Variants in SBF2 observed in about 807,000 individuals in gnomAD.
SBF2 encodes SET binding factor 2.
In SBF2, 112 loss-of-function variants were observed where a neutral mutation model predicts 225.2. The ratio of observed to expected loss-of-function variants is 0.50; its 90% CI spans 0.43 to 0.58. The LOEUF is 0.58. SBF2 is among the 20% of genes least tolerant of loss of function. SBF2 has a pLI of 0.00. For synonymous variants in SBF2, 763 were observed against 773.3 expected (o/e 0.99, Z 0.22); for missense variants, 1,996 against 2,206.2 (o/e 0.90, Z 1.91).
At chr11:9,785,015 A>G (rs1852278478) in intron 37 of SBF2, 110 bp downstream of exon 37, 2 of 967,952 alleles carry the variant, frequency 2.1e-6, no homozygotes, top group Non-Finnish European at 1.6e-6. Context: ...ATCCATTTCA[A>G]GTTTATAAAA....
intron 17 of SBF2, among the ~76,000 whole-genome samples, chr11:9,870,677 T>C (rs1396056471): frequency 6.6e-6 from 1 of 152,030 alleles, no homozygotes; most frequent in Non-Finnish European, 1.5e-5. Flanking sequence ...CCTTACACCT[T>C]ATACAAAAAT....
At chr11:10,174,227 A>C (rs542468569) in intron 2 of SBF2, among the ~76,000 whole-genome samples, 20 of 152,308 alleles carry the variant, frequency 1.3e-4, no homozygotes, top group Admixed American at 7.2e-4. Context: ...TACGGGAGGA[A>C]ATTCAAACCA....
At chr11:9,817,231 A>G (rs1179378808) in intron 28 of SBF2, among the ~76,000 whole-genome samples, 2 of 152,234 alleles carry the variant, frequency 1.3e-5, no homozygotes, top group African/African-American at 4.8e-5. Context: ...TCTTAGCCTC[A>G]GAATGACCTA....
chr11:10,221,738 G>A (rs1416919134), intron 1 of SBF2, among the ~76,000 whole-genome samples: 1 of 152,166 alleles, frequency 6.6e-6, no homozygotes, highest in Non-Finnish European at 1.5e-5. Flanking sequence ...AGGCACTGAA[G>A]AGTGACCAAA....
intron 16 of SBF2, among the ~76,000 whole-genome samples, chr11:9,908,686 C>CA (rs77403152): frequency 4.6e-5 from 7 of 151,448 alleles, no homozygotes; most frequent in African/African-American, 1.7e-4. Flanking sequence ...TGTTCATAAT[C>CA]TTGTTGTTGC....
At chr11:10,047,869 TTTA>T (rs1949923820) in intron 2 of SBF2, among the ~76,000 whole-genome samples, 2 of 152,196 alleles carry the variant, frequency 1.3e-5, no homozygotes, top group Non-Finnish European at 2.9e-5. Flanking sequence ...TTAAGAATCA[TTTA>T]TTCTATGAAG....
At position 10,258,788 on chromosome 11, in the gene SBF2, T is replaced by C. The variant is rs892725207; in HGVS notation, c.55+35227A>G. Among the ~76,000 whole-genome samples, 4 of 151,576 alleles carry C rather than the reference T, an allele frequency of 2.6e-5. No individual in the cohort carries two copies. In the Admixed American group the frequency reaches 2.7e-4, roughly 10 times the overall value. On this transcript the variant is annotated intron_variant, in intron 1 of 39. Transcript: ENST00000256190. ...ACATAGTCTGCCTCAAAAAGATTAG[T>C]TGGGCAAATAAGATATATCTTTAAA...
chr11:9,827,794 C>T (rs138508679), intron 28 of SBF2, among the ~76,000 whole-genome samples: 1 of 152,312 alleles, frequency 6.6e-6, no homozygotes, highest in East Asian at 1.9e-4. Flanking sequence ...ACTATCTATA[C>T]TTCTGTGATA....
At chr11:10,117,698 G>A (rs1424420946) in intron 2 of SBF2, among the ~76,000 whole-genome samples, 1 of 151,648 alleles carries the variant, frequency 6.6e-6, no homozygotes, top group Non-Finnish European at 1.5e-5. Context: ...GATTTGCTTA[G>A]AGACACAAAG....
intron 26 of SBF2, among the ~76,000 whole-genome samples, chr11:9,834,139 C>T (rs1855593286): frequency 6.6e-6 from 1 of 151,698 alleles, no homozygotes; most frequent in African/African-American, 2.4e-5. Flanking sequence ...GTTGCCTAGG[C>T]TGGAGTGCAA....
At chr11:10,052,525 T>G (rs1032345934) in intron 2 of SBF2, among the ~76,000 whole-genome samples, 1 of 152,178 alleles carries the variant, frequency 6.6e-6, no homozygotes, top group East Asian at 1.9e-4. Context: ...CAAATTATAC[T>G]TCAAGTTTGC....
chr11:9,921,650 C>T (rs908707195), intron 16 of SBF2, among the ~76,000 whole-genome samples: 4 of 152,084 alleles, frequency 2.6e-5, no homozygotes, highest in Non-Finnish European at 4.4e-5. Flanking sequence ...AGTAAATTGT[C>T]GCCACATTTT....
At chr11:10,139,233 T>C (rs1954531516) in intron 2 of SBF2, among the ~76,000 whole-genome samples, 1 of 152,180 alleles carries the variant, frequency 6.6e-6, no homozygotes, top group South Asian at 2.1e-4. Context: ...CAAAAAATAT[T>C]TTCTAAGCAC....
At chr11:9,892,329 G>C (rs981938786) in intron 17 of SBF2, among the ~76,000 whole-genome samples, 4 of 152,006 alleles carry the variant, frequency 2.6e-5, no homozygotes, top group Non-Finnish European at 4.4e-5. Context: ...ATGTTGGCCA[G>C]GCTGGTCTCG....
chr11:9,945,055 T>C (rs1208729996), intron 16 of SBF2, among the ~76,000 whole-genome samples: 1 of 152,096 alleles, frequency 6.6e-6, no homozygotes, highest in Non-Finnish European at 1.5e-5. Context: ...CAGTGGGCCA[T>C]GATTGCACCA....
At chr11:9,881,195 G>A (rs781591520) in intron 17 of SBF2, among the ~76,000 whole-genome samples, 4 of 152,144 alleles carry the variant, frequency 2.6e-5, no homozygotes, top group Non-Finnish European at 4.4e-5. Flanking sequence ...TAAATGAACC[G>A]AATGAGTGAT....
intron 16 of SBF2, among the ~76,000 whole-genome samples, chr11:9,922,644 G>T (rs539939567): frequency 6.6e-6 from 1 of 152,174 alleles, no homozygotes; most frequent in East Asian, 1.9e-4. Flanking sequence ...ATCATTTAAA[G>T]ACCATCTGTA....
intron 16 of SBF2, among the ~76,000 whole-genome samples, chr11:9,934,575 G>A (rs190129807): frequency 7.2e-5 from 11 of 152,210 alleles, no homozygotes; most frequent in East Asian, 1.9e-4. Context: ...ATGGCAAACC[G>A]AATCCAGCAG....
chr11:10,158,819 T>C (rs1205229215), intron 2 of SBF2, among the ~76,000 whole-genome samples: 2 of 152,198 alleles, frequency 1.3e-5, no homozygotes, highest in African/African-American at 4.8e-5. Flanking sequence ...GTAGGATTTA[T>C]CCCTGGAGGG....
Sources: allele counts gnomAD v4.1 joint callset (sites outside exome capture counted in the v4.1 genomes callset), GRCh38; gene constraint gnomAD v4.1.1; transcripts MANE v1.5; gene names NCBI Gene and HGNC (gene_info 2026-07-23, HGNC 2026-07-21).